The following PHLPP1 variants were observed in gnomAD, a reference collection of about 807,000 sequenced individuals.
PHLPP1 encodes PH domain leucine-rich repeat-containing protein phosphatase 1.
Under a neutral mutation model 117.2 loss-of-function variants are expected in PHLPP1, and 42 were observed. The ratio of observed to expected loss-of-function variants is 0.36; its 90% CI spans 0.28 to 0.46. The LOEUF is 0.46. Ranked by LOEUF, PHLPP1 falls within the 20% of genes least tolerant of loss-of-function variation. PHLPP1 has a pLI of 1.00. For missense variants in PHLPP1, 2,084 were observed against 2,241.9 expected (o/e 0.93, Z 1.42); for synonymous variants, 1,042 against 970.7 (o/e 1.07, Z -1.37).
intron 8 of PHLPP1, among the ~76,000 whole-genome samples, chr18:62,911,301 G>T (rs1916945704): frequency 1.7e-5 from 1 of 60,342 alleles, no homozygotes; most frequent in South Asian, 4.3e-4. Flanking sequence ...ATTGACAAAT[G>T]GGATCTAACG....
At chr18:62,766,423 A>G (rs773022484) in intron 1 of PHLPP1, among the ~76,000 whole-genome samples, 1 of 151,922 alleles carries the variant, frequency 6.6e-6, no homozygotes, top group Non-Finnish European at 1.5e-5. Flanking sequence ...GAGTTTGGAA[A>G]AAGGAACTGG....
chr18:62,783,149 T>TAAA (rs1568115914), intron 1 of PHLPP1, among the ~76,000 whole-genome samples: 1 of 146,664 alleles, frequency 6.8e-6, no homozygotes, highest in Admixed American at 6.7e-5. Context: ...TTTCAGAGTT[T>TAAA]TAAAAAAAAA....
chr18:62,919,721 A>G (rs1435829082), intron 9 of PHLPP1, among the ~76,000 whole-genome samples: 2 of 152,184 alleles, frequency 1.3e-5, no homozygotes, highest in Non-Finnish European at 2.9e-5. Context: ...CAGTGCGTAC[A>G]TCTATAGAAC....
chr18:62,792,048 T>A, intron 1 of PHLPP1, among the ~76,000 whole-genome samples: 1 of 152,308 alleles, frequency 6.6e-6, no homozygotes, highest in South Asian at 2.1e-4. Context: ...CAAGCAGATT[T>A]TGTTATTATA....
intron 1 of PHLPP1, among the ~76,000 whole-genome samples, chr18:62,799,515 G>C (rs1420461018): frequency 6.6e-6 from 1 of 152,200 alleles, no homozygotes; most frequent in African/African-American, 2.4e-5. Flanking sequence ...CTTACATTAG[G>C]AAACTGAGCT....
At chr18:62,875,205 C>T (rs1292981156) in intron 4 of PHLPP1, among the ~76,000 whole-genome samples, 3 of 152,106 alleles carry the variant, frequency 2.0e-5, no homozygotes, top group East Asian at 1.9e-4. Context: ...CTGCCCACCT[C>T]GGCCTCCTGA....
intron 2 of PHLPP1, among the ~76,000 whole-genome samples, chr18:62,836,019 G>T (rs1914885548): frequency 6.6e-6 from 1 of 151,826 alleles, no homozygotes; most frequent in South Asian, 2.1e-4. Context: ...GACCTCAAAT[G>T]ATTCGCCTGC....
intron 1 of PHLPP1, among the ~76,000 whole-genome samples, chr18:62,820,921 A>G (rs2144321125): frequency 6.6e-6 from 1 of 152,374 alleles, no homozygotes; most frequent in Admixed American, 6.5e-5. Context: ...TTCTCTGACC[A>G]CAATGGGATT....
chr18:62,725,442 A>T (rs1005032469), intron 1 of PHLPP1, among the ~76,000 whole-genome samples: 48 of 152,130 alleles, frequency 3.2e-4, no homozygotes, highest in African/African-American at 1.1e-3. Flanking sequence ...AATTATTTTT[A>T]AAAAGATGTG....
chr18:62,959,404 G>T (rs983922132), intron 13 of PHLPP1, among the ~76,000 whole-genome samples: 1 of 152,168 alleles, frequency 6.6e-6, no homozygotes, highest in Non-Finnish European at 1.5e-5. Flanking sequence ...TTCAATTTTT[G>T]CATTATAAAT....
At chr18:62,785,331 A>G (rs1203652589) in intron 1 of PHLPP1, among the ~76,000 whole-genome samples, 1 of 152,224 alleles carries the variant, frequency 6.6e-6, no homozygotes, top group Non-Finnish European at 1.5e-5. Context: ...TGTGTTCATC[A>G]TTCAGGAAAG....
At chr18:62,766,104 A>ATATATATATATAG (rs1289379653) in intron 1 of PHLPP1, among the ~76,000 whole-genome samples, 1 of 40,990 alleles carries the variant, frequency 2.4e-5, no homozygotes, top group Admixed American at 2.8e-4. Flanking sequence ...TATATATATA[A>ATATATATATATAG]AATATATATA....
chr18:62,950,510 T>C (rs1345133867), intron 12 of PHLPP1, among the ~76,000 whole-genome samples: 1 of 152,122 alleles, frequency 6.6e-6, no homozygotes, highest in Non-Finnish European at 1.5e-5. Flanking sequence ...AAATAGAGAA[T>C]ATCAGCTCAA....
chr18:62,832,459 A>T (rs1026481721), intron 2 of PHLPP1: 2 of 152,192 alleles, frequency 1.3e-5, no homozygotes, highest in South Asian at 2.1e-4. Flanking sequence ...AAGCACATGG[A>T]ATGTTCAGAT....
chr18:62,815,900 C>T (rs1026614795), intron 1 of PHLPP1, among the ~76,000 whole-genome samples: 1 of 152,154 alleles, frequency 6.6e-6, no homozygotes, highest in African/African-American at 2.4e-5. Flanking sequence ...TTTACAGTGT[C>T]AGAATTATGA....
chr18:62,728,504 C>CTT (rs761250873), intron 1 of PHLPP1, among the ~76,000 whole-genome samples: 19 of 137,964 alleles, frequency 1.4e-4, no homozygotes, highest in South Asian at 2.4e-4. Context: ...TTATCTTTAT[C>CTT]TTTTTTTTTT....
chr18:62,924,935 G>A (rs1212478844), intron 10 of PHLPP1, among the ~76,000 whole-genome samples: 1 of 151,186 alleles, frequency 6.6e-6, no homozygotes, highest in Admixed American at 6.6e-5. Context: ...TAACAAACAG[G>A]GGAATCTATG....
At chr18:62,881,947 G>A (rs902017156) in intron 4 of PHLPP1, among the ~76,000 whole-genome samples, 1 of 152,194 alleles carries the variant, frequency 6.6e-6, no homozygotes, top group African/African-American at 2.4e-5. Context: ...CAGGCACAAT[G>A]AGCCAAATGT....
At chr18:62,817,093 C>T (rs143514497) in intron 1 of PHLPP1, among the ~76,000 whole-genome samples, 1 of 152,256 alleles carries the variant, frequency 6.6e-6, no homozygotes, top group Non-Finnish European at 1.5e-5. Context: ...AGGTGCACGC[C>T]ACCACACCCA....
Sources: gnomAD v4.1 joint callset for allele counts (sites outside exome capture counted in the v4.1 genomes callset) on GRCh38, gnomAD v4.1.1 for gene constraint, MANE v1.5 for transcripts, NCBI Gene and HGNC (gene_info 2026-07-23, HGNC 2026-07-21) for gene names.